Variants in COLQ observed in about 807,000 individuals in gnomAD.
COLQ encodes the protein acetylcholinesterase collagenic tail peptide.
In COLQ, 48 loss-of-function variants were observed where a neutral mutation model predicts 69.0. The ratio of observed to expected loss-of-function variants is 0.70; its 90% CI spans 0.55 to 0.88. The LOEUF (loss-of-function observed/expected upper bound fraction) is 0.88. COLQ is among the 40% of genes least tolerant of loss of function. The probability of loss-of-function intolerance (pLI) is 0.00; values close to 1 mark genes in which losing one functional copy is unlikely to be tolerated. For missense variants in COLQ, 618 were observed against 594.6 expected (o/e 1.04, Z -0.41); for synonymous variants, 217 against 211.2 (o/e 1.03, Z -0.24).
rs762479425 is a variant in COLQ, at chr3:15,474,051, C to T, written c.601-16G>A. On this transcript the variant is annotated splice_polypyrimidine_tract_variant and intron_variant, in intron 9 of 16. Coordinates refer to ENST00000383788, the MANE Select transcript of COLQ (RefSeq NM_005677.4). The stretch of plus-strand genomic sequence containing the variant: ...CTGGGAAACCCTGTGAAAAGAGCAA[C>T]AAATAATTGTGATCACCTCTGAAAT... 1 of 1,614,100 alleles carries T rather than the reference C, an allele frequency of 6.2e-7. No individual in the cohort carries two copies. The highest frequency in any genetic ancestry group is 8.5e-7 in the Non-Finnish European group (1 of 1,179,996).
chr3:15,511,551 C>T (rs1559533301), intron 1 of COLQ, among the ~76,000 whole-genome samples: 1 of 152,182 alleles, frequency 6.6e-6, no homozygotes, highest in Non-Finnish European at 1.5e-5. Flanking sequence ...ACAAACCACC[C>T]AACCAATGCT....
chr3:15,502,240 G>T (rs9813950), intron 1 of COLQ, among the ~76,000 whole-genome samples: 4 of 150,930 alleles, frequency 2.7e-5, no homozygotes, highest in African/African-American at 9.7e-5. Flanking sequence ...CTCAGCCTCC[G>T]GAGTAGCTGG....
chr3:15,475,159 G>T, intron 7 of COLQ: 1 of 670,848 alleles, frequency 1.5e-6, no homozygotes, highest in Non-Finnish European at 2.6e-6. Flanking sequence ...TTATCACTCT[G>T]CAAAGTCCTG....
chr3:15,462,767 A>G (rs562579520), intron 12 of COLQ, among the ~76,000 whole-genome samples: 37 of 152,342 alleles, frequency 2.4e-4, no homozygotes, highest in Admixed American at 5.2e-4. Flanking sequence ...CCATCCTGTT[A>G]GGGGCCAAGG....
intron 1 of COLQ, among the ~76,000 whole-genome samples, chr3:15,507,760 C>G (rs2062931109): frequency 6.6e-6 from 1 of 152,140 alleles, no homozygotes; most frequent in Admixed American, 6.5e-5. Flanking sequence ...TAGCCTTCAG[C>G]ATGGTTTTAA....
chr3:15,501,807 A>G (rs1038327747), intron 1 of COLQ, among the ~76,000 whole-genome samples: 2 of 152,134 alleles, frequency 1.3e-5, no homozygotes, highest in African/African-American at 4.8e-5. Context: ...TCCCCCTATC[A>G]TGATGTCTCC....
intron 1 of COLQ, among the ~76,000 whole-genome samples, chr3:15,513,915 C>T (rs6442530): frequency 0.42 from 63,504 of 151,954 alleles, 14,397 homozygotes; most frequent in East Asian, 0.62. Context: ...ATGAGGGGAT[C>T]ATCCTGGATT....
chr3:15,489,037 C>T (rs2062621726), intron 2 of COLQ, among the ~76,000 whole-genome samples: 1 of 152,228 alleles, frequency 6.6e-6, no homozygotes, highest in Non-Finnish European at 1.5e-5. Flanking sequence ...TTTTCCTCAC[C>T]TGGTCCTTTC....
In COLQ at chr3:15,470,621, AAAG is replaced by A. The variant is rs780230011; in HGVS notation, c.637-8_637-6del. On this transcript the variant is annotated splice_polypyrimidine_tract_variant and splice_region_variant and intron_variant, in intron 10 of 16. Coordinates refer to ENST00000383788, the MANE Select transcript of COLQ (RefSeq NM_005677.4). ...ACCTTTTGGACCCATTTCACCCTGG[AAAG>A]AAGGAAAGAGAAGCAAGAGAGGACT... 1 of 1,613,946 alleles carries A rather than the reference AAAG, an allele frequency of 6.2e-7. No individual in the cohort carries two copies.
intron 15 of COLQ, 77 bp from the exon 16 acceptor site, chr3:15,454,008 G>A (rs1484715871): frequency 7.9e-6 from 8 of 1,017,026 alleles, no homozygotes; most frequent in African/African-American, 1.6e-5. Context: ...AGGACCATGC[G>A]GCCCAAGGGA....
At chr3:15,455,693 T>C (rs1433322799) in intron 15 of COLQ, among the ~76,000 whole-genome samples, 1 of 152,150 alleles carries the variant, frequency 6.6e-6, no homozygotes, top group Non-Finnish European at 1.5e-5. Flanking sequence ...CCGCCCCTGG[T>C]GAGGTGCTTG....
intron 1 of COLQ, among the ~76,000 whole-genome samples, chr3:15,512,619 G>A (rs1274868740): frequency 1.3e-5 from 2 of 152,130 alleles, no homozygotes; most frequent in African/African-American, 2.4e-5. Context: ...GGTTGTATTT[G>A]GGATTTTTGC....
Position 15,479,143 on chromosome 3 carries a change from G to C in COLQ, c.367-140C>G, listed in dbSNP as rs17484530. On this transcript the variant is annotated intron_variant, in intron 4 of 16. Transcript: ENST00000383788. ...CTGCTCACGGCCCCTCTGCCATGTC[G>C]ATAGGCCACGTCAAAATACACCAGT... The C allele has an allele frequency of 0.031, 37,115 of 1,185,724 alleles. 752 individuals carry two copies. The highest frequency in any genetic ancestry group is 0.038 in the Non-Finnish European group (29,917 of 793,288). 73.5% of individuals were successfully genotyped at this position (1,185,724 alleles called of 1,614,324 possible).
chr3:15,496,787 C>T (rs2125153920), intron 1 of COLQ, among the ~76,000 whole-genome samples: 1 of 152,278 alleles, frequency 6.6e-6, no homozygotes, highest in Admixed American at 6.5e-5. Flanking sequence ...CTGGTTTTGC[C>T]CTTTGGACTC....
chr3:15,507,360 GC>G (rs1196383339), intron 1 of COLQ, among the ~76,000 whole-genome samples: 2 of 152,144 alleles, frequency 1.3e-5, no homozygotes, highest in Non-Finnish European at 2.9e-5. Flanking sequence ...CTCCAGAAAG[GC>G]CCCAGCAATT....
intron 3 of COLQ, among the ~76,000 whole-genome samples, chr3:15,482,163 G>C (rs1204001239): frequency 6.6e-6 from 1 of 152,132 alleles, no homozygotes. Context: ...CTGCAAACAG[G>C]GACAACTTGA....
chr3:15,518,921 C>T lies in COLQ; in HGVS notation c.106+2599G>A, dbSNP rs2063099339. Among the ~76,000 whole-genome samples, 3 of 152,212 alleles carry T rather than the reference C, an allele frequency of 2.0e-5. No homozygotes were observed. In the South Asian group the frequency reaches 6.2e-4, roughly 31 times the overall value. On this transcript the variant is annotated intron_variant, in intron 1 of 16. Coordinates refer to ENST00000383788, the MANE Select transcript of COLQ (RefSeq NM_005677.4). ...AGATTTTCCTGGTTGCCCTTATTTT[C>T]TGTGTATACACAGCCTATCTTCAGA...
Position 15,512,957 on chromosome 3 carries a change from C to T in COLQ, c.106+8563G>A, listed in dbSNP as rs190146698. On this transcript the variant is annotated intron_variant, in intron 1 of 16. Coordinates refer to ENST00000383788, the MANE Select transcript of COLQ (RefSeq NM_005677.4). ...TACTCCTAACCACTCTGCGATTCTG[C>T]CTTTGTCATGGTTTGGGGTCAGAAG... Among the ~76,000 whole-genome samples, 312 of 152,244 alleles carry T rather than the reference C, an allele frequency of 2.0e-3. 6 individuals carry two copies. Among genetic ancestry groups the T allele is most frequent in the Non-Finnish European group, 3.2e-4 (22 of 68,006 alleles).
chr3:15,457,455 C>T (rs1008903381), intron 13 of COLQ, among the ~76,000 whole-genome samples: 2 of 151,966 alleles, frequency 1.3e-5, no homozygotes, highest in Non-Finnish European at 2.9e-5. Flanking sequence ...GACACAGGCT[C>T]GCCATGAGTT....
Sources: gnomAD v4.1 joint callset for allele counts (sites outside exome capture counted in the v4.1 genomes callset) on GRCh38, gnomAD v4.1.1 for gene constraint, MANE v1.5 for transcripts, NCBI Gene and HGNC (gene_info 2026-07-23, HGNC 2026-07-21) for gene names.